Variants in TNKS observed in about 807,000 individuals in gnomAD.
TNKS encodes poly [ADP-ribose] polymerase tankyrase-1.
Under a neutral mutation model 135.8 loss-of-function variants are expected in TNKS, and 72 were observed. The observed-to-expected ratio is 0.53, with a 90% confidence interval of 0.44 to 0.64. The LOEUF is 0.64. Among genes scored for constraint, TNKS ranks in the 30% least tolerant of loss-of-function variants. The pLI is 0.00. For missense variants in TNKS, 1,769 were observed against 1,674.0 expected (o/e 1.06, Z -0.99); for synonymous variants, 849 against 649.3 (o/e 1.31, Z -4.68).
chr8:9,767,895 G>C (rs1197070470), intron 25 of TNKS, among the ~76,000 whole-genome samples: 1 of 149,294 alleles, frequency 6.7e-6, no homozygotes, highest in East Asian at 2.0e-4. Context: ...GGAGGCGGAG[G>C]TTGCAGTGAG....
In TNKS at chr8:9,763,332, C is replaced by T. The variant is rs201567266; in HGVS notation, c.3372+88C>T. ...TGGAATTAACCTCGTCTTACATTGC[C>T]TTGCGGTCACATGCCTATTAATCAG... On this transcript the variant is annotated intron_variant, in intron 22 of 26. Coordinates refer to ENST00000310430, the MANE Select transcript of TNKS (RefSeq NM_003747.3). 337 of 815,928 alleles carry T rather than the reference C, an allele frequency of 4.1e-4. 4 individuals carry two copies. In the South Asian group the frequency reaches 5.2e-3, roughly 13 times the overall value. 50.5% of individuals were successfully genotyped at this position (815,928 alleles called of 1,614,324 possible).
intron 15 of TNKS, among the ~76,000 whole-genome samples, chr8:9,734,340 A>C (rs1341139982): frequency 6.6e-6 from 1 of 152,214 alleles, no homozygotes; most frequent in Non-Finnish European, 1.5e-5. Context: ...AAAATCTATA[A>C]TTTTTAATAC....
intron 2 of TNKS, among the ~76,000 whole-genome samples, chr8:9,595,013 C>G (rs570706316): frequency 6.6e-6 from 1 of 152,280 alleles, no homozygotes; most frequent in East Asian, 1.9e-4. Context: ...TTCAGTGAAG[C>G]CTTGAAAATC....
At chr8:9,640,751 A>G (rs1387209850) in intron 3 of TNKS, among the ~76,000 whole-genome samples, 1 of 145,886 alleles carries the variant, frequency 6.9e-6, no homozygotes, top group Non-Finnish European at 1.5e-5. Context: ...GAACAATTTC[A>G]TGGAATATAA....
intron 14 of TNKS, among the ~76,000 whole-genome samples, chr8:9,731,460 C>CAAAAAAAAAAAAA (rs36213271): frequency 3.0e-5 from 2 of 67,508 alleles, no homozygotes; most frequent in Non-Finnish European, 5.6e-5. Context: ...AATTCCATCT[C>CAAAAAAAAAAAAA]AAAAAAAAAA....
At chr8:9,615,410 CTA>C (rs1799602197) in intron 2 of TNKS, 170 bp from the exon 3 acceptor site, 4 of 494,556 alleles carry the variant, frequency 8.1e-6, no homozygotes, top group African/African-American at 2.0e-5. Context: ...TCATTTCACT[CTA>C]GAGAGGCTCC....
intron 3 of TNKS, among the ~76,000 whole-genome samples, chr8:9,671,527 TTC>T (rs1802269038): frequency 6.6e-6 from 1 of 152,214 alleles, no homozygotes; most frequent in Non-Finnish European, 1.5e-5. Flanking sequence ...TATTCTGTGA[TTC>T]CATTTACATG....
At position 9,748,013 on chromosome 8, in the gene TNKS, T is replaced by G; in HGVS notation, c.2644-11T>G. 4 of 1,592,754 alleles carry G rather than the reference T, an allele frequency of 2.5e-6. No homozygotes were observed. Among genetic ancestry groups the G allele is most frequent in the Non-Finnish European group, 3.4e-6 (4 of 1,168,312 alleles). On this transcript the variant is annotated splice_polypyrimidine_tract_variant and intron_variant, in intron 17 of 26. Transcript: ENST00000310430. ...ATTCTTAACTCTTTGTATCCTTTTC[T>G]TTTTTTTCAGCATGTTGACATAGCG...
At position 9,782,198 on chromosome 8, in the gene TNKS, G is replaced by C. The variant is rs970609362; in HGVS notation, c.*5462G>C. On this transcript the variant is annotated 3_prime_UTR_variant, in exon 27 of 27. Transcript: ENST00000310430. The stretch of plus-strand genomic sequence containing the variant: ...TCACCCTCCACTTCTTTCCAAAGGA[G>C]GGCATCAAGGAACTTAACCTGCCTG... 2.0e-5 allele frequency: 3 copies of C among 152,658 alleles called. No homozygotes were observed. The East Asian group carries it at 5.8e-4, about 30-fold the overall frequency. 9.5% of individuals were successfully genotyped at this position (152,658 alleles called of 1,614,324 possible).
chr8:9,757,781 G>A (rs1217641503), intron 20 of TNKS, among the ~76,000 whole-genome samples: 1 of 152,108 alleles, frequency 6.6e-6, no homozygotes, highest in Non-Finnish European at 1.5e-5. Flanking sequence ...AACTATAAGG[G>A]GTTGTTTTAG....
intron 11 of TNKS, among the ~76,000 whole-genome samples, chr8:9,713,540 T>C (rs928222314): frequency 5.3e-5 from 8 of 152,228 alleles, no homozygotes; most frequent in Admixed American, 4.6e-4. Context: ...CTTAGTTCAT[T>C]ACTAGCCCTG....
At chr8:9,677,721 T>G (rs1285211486) in intron 3 of TNKS, among the ~76,000 whole-genome samples, 1 of 152,208 alleles carries the variant, frequency 6.6e-6, no homozygotes, top group African/African-American at 2.4e-5. Context: ...TGCAGTATTT[T>G]CTCATTACTT....
chr8:9,642,574 C>T (rs1381153151), intron 3 of TNKS, among the ~76,000 whole-genome samples: 1 of 146,190 alleles, frequency 6.8e-6, no homozygotes, highest in Non-Finnish European at 1.5e-5. Context: ...ATTTGTTAGA[C>T]TTTTTCATAA....
intron 3 of TNKS, among the ~76,000 whole-genome samples, chr8:9,630,153 G>A (rs4319098): frequency 0.86 from 130,379 of 152,134 alleles, 56,495 homozygotes; most frequent in Non-Finnish European, 0.92. Flanking sequence ...TTTATTCATG[G>A]CCTGATTCCC....
chr8:9,781,179 C>G lies in TNKS; in HGVS notation c.*4443C>G, dbSNP rs76060156. 6.6e-6 allele frequency: 1 copy of G among 152,116 alleles called. No individual in the cohort carries two copies. The highest frequency in any genetic ancestry group is 2.4e-5 in the African/African-American group (1 of 41,408). The allele number at this position is 152,116 out of a possible 1,614,324, so 9.4% of individuals were successfully genotyped here. On this transcript the variant is annotated 3_prime_UTR_variant, in exon 27 of 27. Transcript: ENST00000310430. ...ACTGTAGATTGCATTTCGGCTTTTC[C>G]TCCTTTCACATTCTTTTTTGCTTTA...
chr8:9,571,241 T>C (rs1289269794), intron 1 of TNKS, among the ~76,000 whole-genome samples: 2 of 152,182 alleles, frequency 1.3e-5, no homozygotes, highest in Non-Finnish European at 2.9e-5. Flanking sequence ...GCTGCCAAGA[T>C]TGATGTATAT....
intron 5 of TNKS, among the ~76,000 whole-genome samples, chr8:9,686,253 T>C (rs1035669909): frequency 1.3e-5 from 2 of 152,064 alleles, no homozygotes; most frequent in Non-Finnish European, 2.9e-5. Flanking sequence ...TGTGACGAGG[T>C]CCACATGAAG....
intron 3 of TNKS, among the ~76,000 whole-genome samples, chr8:9,640,222 T>G (rs1479667048): frequency 6.6e-6 from 1 of 152,188 alleles, no homozygotes; most frequent in Non-Finnish European, 1.5e-5. Context: ...CTCACAAATT[T>G]GGAGGCTGGG....
At chr8:9,567,845 T>C (rs1172494131) in intron 1 of TNKS, among the ~76,000 whole-genome samples, 1 of 152,072 alleles carries the variant, frequency 6.6e-6, no homozygotes, top group Non-Finnish European at 1.5e-5. Context: ...CATATTGGAG[T>C]CACAGCAGTT....
Sources: gnomAD v4.1 joint callset for allele counts (sites outside exome capture counted in the v4.1 genomes callset) on GRCh38, gnomAD v4.1.1 for gene constraint, MANE v1.5 for transcripts, NCBI Gene and HGNC (gene_info 2026-07-23, HGNC 2026-07-21) for gene names.